The following HYDIN variants were observed in gnomAD, a reference collection of about 807,000 sequenced individuals.
HYDIN encodes HYDIN axonemal central pair apparatus protein.
Under a neutral mutation model 403.9 loss-of-function variants are expected in HYDIN, and 132 were observed. The ratio of observed to expected loss-of-function variants is 0.33; its 90% confidence interval spans 0.28 to 0.38. The LOEUF (loss-of-function observed/expected upper bound fraction) is 0.38, where lower values mean the gene tolerates loss of function less well. HYDIN is among the 10% of genes least tolerant of loss of function. The pLI is 1.00. For missense variants in HYDIN, 2,827 were observed against 5,009.5 expected (o/e 0.56, Z 13.15); for synonymous variants, 1,202 against 1,891.7 (o/e 0.64, Z 9.46).
intron 47 of HYDIN, among the ~76,000 whole-genome samples, chr16:70,915,077 T>G (rs969314562): frequency 6.6e-6 from 1 of 151,794 alleles, no homozygotes; most frequent in African/African-American, 2.4e-5. Flanking sequence ...GAACTGGGCT[T>G]CACCTTTCTC....
At chr16:71,188,415 G>A (rs988872025) in intron 1 of HYDIN, among the ~76,000 whole-genome samples, 2 of 152,138 alleles carry the variant, frequency 1.3e-5, no homozygotes, top group Non-Finnish European at 2.9e-5. Flanking sequence ...TTTGGTTGGG[G>A]AGCCCATTCT....
intron 23 of HYDIN, among the ~76,000 whole-genome samples, chr16:71,004,403 C>A (rs1018440814): frequency 2.0e-5 from 3 of 150,996 alleles, no homozygotes; most frequent in African/African-American, 7.3e-5. Flanking sequence ...AAAAAGTTAT[C>A]CTTGATCAGG....
chr16:70,950,363 G>A (rs1347866047), intron 41 of HYDIN, among the ~76,000 whole-genome samples: 1 of 152,028 alleles, frequency 6.6e-6, no homozygotes, highest in African/African-American at 2.4e-5. Context: ...TGATTCTCGT[G>A]CTTCAGCCTC....
At chr16:71,071,498 A>G (rs1238587487) in intron 13 of HYDIN, among the ~76,000 whole-genome samples, 3 of 150,896 alleles carry the variant, frequency 2.0e-5, no homozygotes, top group East Asian at 2.0e-4. Context: ...TAAAAAGTCA[A>G]TATTTATTTG....
Position 71,162,595 on chromosome 16 carries a change from G to GCT in HYDIN, c.651_652insAG (p.Gln218SerfsTer27). 9.6e-7 allele frequency: 1 copy of GCT among 1,038,216 alleles called. No homozygotes were observed. 64.3% of individuals were successfully genotyped at this position (1,038,216 alleles called of 1,614,324 possible). On this transcript the variant is annotated frameshift_variant, in exon 6 of 86. Transcript: ENST00000393567. LOFTEE classifies it high-confidence loss of function. ...ATGTTTCGTACCAGCAGAATCTTCTGGGTGCTGTATTTGACAGGACAAGTG... is the reference window on the plus strand; with the variant it reads ...ATGTTTCGTACCAGCAGAATCTTCTGCTGGTGCTGTATTTGACAGGACAAGTG...
At chr16:70,812,827 G>A (rs1238042899) in intron 84 of HYDIN, among the ~76,000 whole-genome samples, 1 of 152,116 alleles carries the variant, frequency 6.6e-6, no homozygotes, top group Non-Finnish European at 1.5e-5. Flanking sequence ...CCACCTCTGG[G>A]GATTCCCAGC....
chr16:70,898,345 T>C (rs2076267295), intron 53 of HYDIN, among the ~76,000 whole-genome samples: 1 of 152,120 alleles, frequency 6.6e-6, no homozygotes, highest in Admixed American at 6.5e-5. Flanking sequence ...GGCACAGCTG[T>C]GGGACTCCAG....
At chr16:70,985,062 C>T (rs2079148875) in intron 28 of HYDIN, 123 bp downstream of exon 28, 4 of 940,952 alleles carry the variant, frequency 4.3e-6, no homozygotes, top group African/African-American at 3.3e-5. Context: ...TTTTCTGCTT[C>T]CGAGAGTTCT....
intron 38 of HYDIN, among the ~76,000 whole-genome samples, chr16:70,960,485 G>A (rs955657912): frequency 1.6e-4 from 22 of 137,660 alleles, no homozygotes; most frequent in Non-Finnish European, 3.2e-4. Flanking sequence ...TGGCCTAGAG[G>A]AACGTCTAGA....
At chr16:71,199,332 A>C (rs1241506723) in intron 1 of HYDIN, among the ~76,000 whole-genome samples, 8 of 151,958 alleles carry the variant, frequency 5.3e-5, no homozygotes, top group Admixed American at 4.6e-4. Flanking sequence ...GTTTATCCCT[A>C]CTCCTTTGAA....
chr16:70,848,459 A>G (rs2038375069), intron 75 of HYDIN, among the ~76,000 whole-genome samples: 1 of 151,366 alleles, frequency 6.6e-6, no homozygotes, highest in Non-Finnish European at 1.5e-5. Context: ...CAACTGTGAA[A>G]ATCAGATCCT....
At chr16:71,126,659 G>A (rs1386210480) in intron 9 of HYDIN, among the ~76,000 whole-genome samples, 4 of 152,150 alleles carry the variant, frequency 2.6e-5, no homozygotes, top group Admixed American at 2.6e-4. Context: ...GGGGGCTGGG[G>A]GTAGGCCACT....
At chr16:71,108,593 CA>C (rs1470263695) in intron 10 of HYDIN, among the ~76,000 whole-genome samples, 6 of 151,790 alleles carry the variant, frequency 4.0e-5, no homozygotes, top group African/African-American at 1.5e-4. Flanking sequence ...GCTTACTGCA[CA>C]AATGTATTAT....
intron 57 of HYDIN, among the ~76,000 whole-genome samples, chr16:70,891,227 C>T (rs968616992): frequency 6.6e-6 from 1 of 152,090 alleles, no homozygotes; most frequent in African/African-American, 2.4e-5. Context: ...CTCGTTCTGT[C>T]GCCCAGACTG....
chr16:71,186,774 T>A lies in HYDIN; in HGVS notation c.122A>T (p.Glu41Val), dbSNP rs749297284. The A allele has an allele frequency of 1.9e-6, 3 of 1,612,456 alleles. No individual in the cohort carries two copies. Among genetic ancestry groups the A allele is most frequent in the East Asian group, 4.5e-5 (2 of 44,830 alleles). The change falls in exon 2 of 86, where the codon GAA (glutamate) becomes GTA (valine). Residue 41 changes from glutamate to valine, a missense_variant. Coordinates refer to ENST00000393567, the MANE Select transcript of HYDIN (RefSeq NM_001270974.2). ...PLSPKVVTEE[E>V]VNRMLTPSEF... ...CGGATACATTACCATTCGGTTTACT[T>A]CTTCTTCTGTAACCACCTTTGGACT...
At chr16:70,933,379 TG>T (rs945763478) in intron 45 of HYDIN, among the ~76,000 whole-genome samples, 1 of 145,444 alleles carries the variant, frequency 6.9e-6, no homozygotes, top group Non-Finnish European at 1.5e-5. Context: ...GCAGCATAGA[TG>T]ATGAGCTTGG....
At chr16:70,896,584 G>T in intron 53 of HYDIN, among the ~76,000 whole-genome samples, 1 of 150,986 alleles carries the variant, frequency 6.6e-6, no homozygotes. Flanking sequence ...TTGAACTCTT[G>T]AACTCAAACA....
chr16:70,820,187 C>CTTTTTTTTTTTTT (rs57769826), intron 83 of HYDIN, among the ~76,000 whole-genome samples: 1 of 91,816 alleles, frequency 1.1e-5, no homozygotes, highest in Non-Finnish European at 2.2e-5. Context: ...TTTCTTTTTT[C>CTTTTTTTTTTTTT]TTTTTTTTTT....
intron 9 of HYDIN, among the ~76,000 whole-genome samples, chr16:71,126,937 T>G (rs2084488640): frequency 6.6e-6 from 1 of 152,086 alleles, no homozygotes; most frequent in Non-Finnish European, 1.5e-5. Context: ...TGGCTTGCAT[T>G]TGTGCCAAGA....
Sources: allele counts gnomAD v4.1 joint callset (sites outside exome capture counted in the v4.1 genomes callset), GRCh38; gene constraint gnomAD v4.1.1; transcripts MANE v1.5; gene names NCBI Gene and HGNC (gene_info 2026-07-23, HGNC 2026-07-21).